Variants in NR3C2 observed in about 807,000 individuals in gnomAD.
NR3C2 encodes the protein mineralocorticoid receptor.
Under a neutral mutation model 86.4 loss-of-function variants are expected in NR3C2, and 15 were observed. The ratio of observed to expected loss-of-function variants is 0.17; its 90% CI spans 0.12 to 0.27. NR3C2 has a LOEUF of 0.27. Among genes scored for constraint, NR3C2 ranks in the 10% least tolerant of loss-of-function variants. The pLI, the probability that NR3C2 is intolerant of heterozygous loss-of-function variation, is 1.00. For synonymous variants in NR3C2, 458 were observed against 450.5 expected (o/e 1.02, Z -0.21); for missense variants, 960 against 1,195.6 (o/e 0.80, Z 2.91).
At chr4:148,181,606 T>C (rs1735648390) in intron 4 of NR3C2, among the ~76,000 whole-genome samples, 1 of 152,200 alleles carries the variant, frequency 6.6e-6, no homozygotes, top group African/African-American at 2.4e-5. Context: ...TGAAGTGAAT[T>C]AATTCCTTTG....
At chr4:148,303,609 C>G (rs879272042) in intron 2 of NR3C2, among the ~76,000 whole-genome samples, 3 of 152,068 alleles carry the variant, frequency 2.0e-5, no homozygotes, top group Non-Finnish European at 2.9e-5. Context: ...TCCATACAAC[C>G]CCCCGAGATG....
chr4:148,321,088 C>T (rs1397051316), intron 2 of NR3C2, among the ~76,000 whole-genome samples: 2 of 150,896 alleles, frequency 1.3e-5, no homozygotes, highest in Non-Finnish European at 3.0e-5. Flanking sequence ...TCTTTGTTCT[C>T]ATTGGTTTCA....
intron 2 of NR3C2, among the ~76,000 whole-genome samples, chr4:148,376,996 T>G (rs1746711556): frequency 6.6e-6 from 1 of 152,206 alleles, no homozygotes; most frequent in Non-Finnish European, 1.5e-5. Flanking sequence ...CTTTACATAT[T>G]ATATCTGGGG....
rs557608361 is a variant in NR3C2 at position 148,124,783 on chromosome 4, A to C, written c.2511-4495T>G. Among the ~76,000 whole-genome samples, 5 of 151,958 alleles carry C rather than the reference A, an allele frequency of 3.3e-5. No homozygotes were observed. The East Asian group carries it at 5.8e-4, about 18-fold the overall frequency. ...TCTCTTTCATATCTTCTCACTTTTT[A>C]TCTCTCTGTACTGCATTCCTAGGTG... On this transcript the variant is annotated intron_variant, in intron 6 of 8. Transcript: ENST00000358102.
intron 8 of NR3C2, among the ~76,000 whole-genome samples, chr4:148,083,442 C>T (rs1730670903): frequency 1.3e-5 from 2 of 152,162 alleles, no homozygotes; most frequent in Non-Finnish European, 2.9e-5. Flanking sequence ...AGACCTGCAG[C>T]AGAGGGGCCT....
rs1410052624 is a variant in NR3C2, at chr4:148,400,671, C to T, written c.1757+34433G>A. On this transcript the variant is annotated intron_variant, in intron 2 of 8. Transcript: ENST00000358102. ...ATGCATGCCTGTAGTCCCAGCTACTCGGGAGAATAGGCAGGAGAACTGCAT... is the reference window on the plus strand; with the variant it reads ...ATGCATGCCTGTAGTCCCAGCTACTTGGGAGAATAGGCAGGAGAACTGCAT... Among the ~76,000 whole-genome samples the T allele has an allele frequency of 4.0e-5, 6 of 148,922 alleles. No individual in the cohort carries two copies. In the Admixed American group the frequency reaches 4.1e-4, roughly 10 times the overall value.
chr4:148,087,473 C>CAT (rs1315001124), intron 8 of NR3C2, among the ~76,000 whole-genome samples: 1 of 152,140 alleles, frequency 6.6e-6, no homozygotes, highest in Non-Finnish European at 1.5e-5. Flanking sequence ...CTGGAGGCAT[C>CAT]ATGCTACCTG....
chr4:148,302,731 A>G (rs1742401563), intron 2 of NR3C2, among the ~76,000 whole-genome samples: 1 of 151,610 alleles, frequency 6.6e-6, no homozygotes, highest in South Asian at 2.1e-4. Flanking sequence ...ACACTCTCCT[A>G]GCTACTTGGG....
At chr4:148,333,278 AAAG>A (rs1357189087) in intron 2 of NR3C2, among the ~76,000 whole-genome samples, 1 of 152,170 alleles carries the variant, frequency 6.6e-6, no homozygotes, top group Non-Finnish European at 1.5e-5. Flanking sequence ...AAAACCAAGA[AAAG>A]AAAACCTTTC....
chr4:148,200,768 A>T (rs1161565528), intron 3 of NR3C2, among the ~76,000 whole-genome samples: 1 of 152,226 alleles, frequency 6.6e-6, no homozygotes. Flanking sequence ...AATGAATGGT[A>T]GCTGTTATCG....
At chr4:148,355,083 T>A (rs1745487943) in intron 2 of NR3C2, among the ~76,000 whole-genome samples, 1 of 152,236 alleles carries the variant, frequency 6.6e-6, no homozygotes, top group African/African-American at 2.4e-5. Context: ...CACTTGTTTA[T>A]ATAACATTCC....
intron 3 of NR3C2, among the ~76,000 whole-genome samples, chr4:148,221,097 A>G (rs1737816052): frequency 6.6e-6 from 1 of 152,174 alleles, no homozygotes; most frequent in Admixed American, 6.5e-5. Flanking sequence ...TGTACATTAT[A>G]TGGGGCTCAA....
chr4:148,341,766 C>CTT (rs1229256632), intron 2 of NR3C2, among the ~76,000 whole-genome samples: 1 of 152,072 alleles, frequency 6.6e-6, no homozygotes, highest in African/African-American at 2.4e-5. Context: ...AACAAACAAA[C>CTT]ATAAGCAGCA....
At chr4:148,362,556 T>A (rs181843464) in intron 2 of NR3C2, among the ~76,000 whole-genome samples, 174 of 152,348 alleles carry the variant, frequency 1.1e-3, no homozygotes, top group African/African-American at 4.0e-3. Context: ...TTCCATTCAC[T>A]TACGGAATTG....
chr4:148,288,044 TAA>T (rs1169460303), intron 2 of NR3C2, among the ~76,000 whole-genome samples: 1 of 152,082 alleles, frequency 6.6e-6, no homozygotes, highest in Non-Finnish European at 1.5e-5. Flanking sequence ...ATCATTTCCA[TAA>T]AAAAACAGTC....
At chr4:148,284,537 C>G (rs1255665144) in intron 2 of NR3C2, among the ~76,000 whole-genome samples, 9 of 152,088 alleles carry the variant, frequency 5.9e-5, no homozygotes. Flanking sequence ...TAAAACACAT[C>G]AGGTAAAAGA....
At chr4:148,284,646 G>A (rs1482161894) in intron 2 of NR3C2, among the ~76,000 whole-genome samples, 1 of 152,128 alleles carries the variant, frequency 6.6e-6, no homozygotes, top group Non-Finnish European at 1.5e-5. Context: ...GGTGAGAAAG[G>A]ATCTATGACT....
chr4:148,108,183 A>G (rs530161601), intron 8 of NR3C2, among the ~76,000 whole-genome samples: 1 of 152,086 alleles, frequency 6.6e-6, no homozygotes, highest in East Asian at 1.9e-4. Context: ...GTCTCACTGC[A>G]GCCTCTGCCT....
At chr4:148,324,391 G>C (rs370176407) in intron 2 of NR3C2, among the ~76,000 whole-genome samples, 1 of 150,884 alleles carries the variant, frequency 6.6e-6, no homozygotes, top group South Asian at 2.1e-4. Context: ...CTGTGTGTAT[G>C]TGTCTGTATT....
Sources: gnomAD v4.1 joint callset for allele counts (sites outside exome capture counted in the v4.1 genomes callset) on GRCh38, gnomAD v4.1.1 for gene constraint, MANE v1.5 for transcripts, NCBI Gene and HGNC (gene_info 2026-07-23, HGNC 2026-07-21) for gene names.